The following BLTP1 variants were observed in gnomAD, a reference collection of about 807,000 sequenced individuals.
The protein encoded by BLTP1 is bridge-like lipid transfer protein family member 1.
chr4:122,358,949 T>A, the BLTP1 span, among the ~76,000 whole-genome samples: 2 of 152,122 alleles, frequency 1.3e-5, no homozygotes, highest in East Asian at 3.9e-4. Flanking sequence ...AAAGTCTGCT[T>A]AAATAAAAAC....
chr4:122,324,589 C>A, the BLTP1 span: 2 of 1,389,626 alleles, frequency 1.4e-6, no homozygotes, highest in Non-Finnish European at 2.0e-6. Context: ...GACTCTTTTA[C>A]CAAGGTCAAC....
chr4:122,249,323 A>G, the BLTP1 span: 2 of 765,702 alleles, frequency 2.6e-6, no homozygotes. Context: ...CTTAGGCAGC[A>G]TTATTCTAAA....
the BLTP1 span, chr4:122,195,780 AT>A: frequency 7.9e-5 from 29 of 365,224 alleles, no homozygotes; most frequent in African/African-American, 5.7e-4. Context: ...ATATATTTTA[AT>A]TTAACGGTAG....
At chr4:122,183,953 T>C in the BLTP1 span, among the ~76,000 whole-genome samples, 1 of 152,118 alleles carries the variant, frequency 6.6e-6, no homozygotes. Context: ...AAACCAGCTA[T>C]GTAAACAAAA....
the BLTP1 span, chr4:122,266,660 C>T: frequency 5.9e-6 from 5 of 845,886 alleles, no homozygotes; most frequent in East Asian, 8.9e-5. Context: ...TTGCTTCACA[C>T]TATGATAATA....
the BLTP1 span, among the ~76,000 whole-genome samples, chr4:122,265,770 C>A: frequency 6.6e-6 from 1 of 152,128 alleles, no homozygotes; most frequent in Non-Finnish European, 1.5e-5. Flanking sequence ...GCAATCTTGG[C>A]TCACTGCAAG....
chr4:122,207,958 C>G, the BLTP1 span: 1 of 982,930 alleles, frequency 1.0e-6, no homozygotes, highest in Non-Finnish European at 1.2e-6. Context: ...TTTTATACTT[C>G]CCTTTATTTG....
At chr4:122,236,883 A>G in the BLTP1 span, 4 of 970,638 alleles carry the variant, frequency 4.1e-6, no homozygotes, top group East Asian at 3.4e-4. Flanking sequence ...AATAACCCCT[A>G]CATACGTACC....
chr4:122,153,981 G>T, the BLTP1 span: 8 of 984,480 alleles, frequency 8.1e-6, no homozygotes, highest in Non-Finnish European at 9.6e-6. Context: ...TGCTCGTAAA[G>T]CCAGAATACC....
the BLTP1 span, chr4:122,291,972 T>TG: frequency 7.7e-6 from 2 of 258,840 alleles, no homozygotes; most frequent in African/African-American, 4.8e-5. Context: ...AACAGTTTTT[T>TG]TTTTTTTTTT....
the BLTP1 span, chr4:122,275,884 T>C: frequency 7.5e-7 from 1 of 1,332,212 alleles, no homozygotes; most frequent in Non-Finnish European, 9.7e-7. Context: ...GCTTTCCAGA[T>C]GATTGGTCAT....
the BLTP1 span, chr4:122,318,095 G>T: frequency 6.4e-7 from 1 of 1,553,248 alleles, no homozygotes; most frequent in South Asian, 1.2e-5. Context: ...TAAAAAATCA[G>T]TCTTACTTTG....
At chr4:122,325,255 C>T in the BLTP1 span, 59 of 1,608,372 alleles carry the variant, frequency 3.7e-5, no homozygotes, top group Non-Finnish European at 5.0e-5. Context: ...AACTGAAGAG[C>T]TCCCAGAAAT....
chr4:122,215,513 T>C, the BLTP1 span: 1 of 985,258 alleles, frequency 1.0e-6, no homozygotes, highest in Non-Finnish European at 1.2e-6. Context: ...AGAGGTGATT[T>C]TCTGGGGGCC....
the BLTP1 span, among the ~76,000 whole-genome samples, chr4:122,253,294 T>C: frequency 1.5e-4 from 23 of 151,944 alleles, no homozygotes; most frequent in Non-Finnish European, 2.9e-5. Context: ...AACTACGACC[T>C]CACCAAATGA....
the BLTP1 span, chr4:122,214,266 A>G: frequency 1.1e-6 from 1 of 935,508 alleles, no homozygotes; most frequent in Non-Finnish European, 1.3e-6. Context: ...AGACACTCAT[A>G]TACCAAAATA....
chr4:122,189,408 G>A, the BLTP1 span: 2 of 983,558 alleles, frequency 2.0e-6, no homozygotes, highest in African/African-American at 3.5e-5. Flanking sequence ...TCATTCCAGA[G>A]TTAGAGTTCA....
chr4:122,272,093 G>T, the BLTP1 span: 1 of 1,544,640 alleles, frequency 6.5e-7, no homozygotes, highest in South Asian at 1.3e-5. Flanking sequence ...GTAAGACAAT[G>T]TTTGGAATGT....
At chr4:122,289,385 A>G in the BLTP1 span, 7 of 586,920 alleles carry the variant, frequency 1.2e-5, no homozygotes, top group Non-Finnish European at 1.5e-5. Context: ...GTCATGTATA[A>G]TATACACATT....
Sources: allele counts gnomAD v4.1 joint callset (sites outside exome capture counted in the v4.1 genomes callset), GRCh38; gene constraint gnomAD v4.1.1; transcripts MANE v1.5; gene names NCBI Gene and HGNC (gene_info 2026-07-23, HGNC 2026-07-21).